The following ADGRB3 variants were observed in gnomAD, a reference collection of about 807,000 sequenced individuals.
ADGRB3 encodes adhesion G protein-coupled receptor B3, also known as brain-specific angiogenesis inhibitor 3.
A neutral mutation model predicts 193.4 loss-of-function variants in ADGRB3; 37 were observed. The observed-to-expected ratio is 0.19, with a 90% CI of 0.15 to 0.25. The LOEUF is 0.25. Ranked by LOEUF, ADGRB3 falls within the 10% of genes least tolerant of loss-of-function variation. The pLI is 1.00. For synonymous variants in ADGRB3, 690 were observed against 644.2 expected, an observed-to-expected ratio of 1.07 and a Z score of -1.08; for missense variants, 1,637 against 1,852.9, an observed-to-expected ratio of 0.88 and a Z score of 2.14.
rs1308723860 is a variant in ADGRB3, at chr6:68,771,060, A to G, written c.757+131628A>G. 2.6e-5 allele frequency among the ~76,000 whole-genome samples: 4 copies of G among 152,072 alleles called. No homozygotes were observed. The South Asian group carries it at 6.2e-4, about 24-fold the overall frequency. ...TTCTTTCTCTTAGTTCATGAATCCT[A>G]TGTGAAGGTTCTCTCACCGAAATCA... On this transcript the variant is annotated intron_variant, in intron 3 of 31. Coordinates refer to ENST00000370598, the MANE Select transcript of ADGRB3 (RefSeq NM_001704.3).
intron 17 of ADGRB3, among the ~76,000 whole-genome samples, chr6:69,157,987 T>G (rs2150343577): frequency 6.6e-6 from 1 of 152,256 alleles, no homozygotes; most frequent in South Asian, 2.1e-4. Context: ...TGGTATTTTG[T>G]TACTTGCAGT....
intron 18 of ADGRB3, among the ~76,000 whole-genome samples, chr6:69,234,502 CA>C (rs1398161408): frequency 6.6e-6 from 1 of 151,882 alleles, no homozygotes; most frequent in Non-Finnish European, 1.5e-5. Flanking sequence ...CAAGCAAGTA[CA>C]ATTAAATGTG....
At chr6:68,865,258 A>AT (rs1217670438) in intron 3 of ADGRB3, among the ~76,000 whole-genome samples, 2 of 151,746 alleles carry the variant, frequency 1.3e-5, no homozygotes, top group East Asian at 3.9e-4. Context: ...TTTTTCTGTG[A>AT]TTTTGATAAT....
At chr6:68,863,088 G>T (rs978640731) in intron 3 of ADGRB3, among the ~76,000 whole-genome samples, 6 of 151,856 alleles carry the variant, frequency 4.0e-5, no homozygotes, top group African/African-American at 1.2e-4. Flanking sequence ...TTAGTTTTGT[G>T]CATACTTACC....
intron 16 of ADGRB3, among the ~76,000 whole-genome samples, chr6:69,067,260 A>T (rs1378509292): frequency 3.9e-5 from 6 of 152,074 alleles, no homozygotes; most frequent in Admixed American, 3.3e-4. Flanking sequence ...TCTCAAATTG[A>T]TCTAATGAAA....
intron 3 of ADGRB3, among the ~76,000 whole-genome samples, chr6:68,778,400 T>C (rs920123695): frequency 4.6e-5 from 7 of 152,136 alleles, no homozygotes; most frequent in African/African-American, 1.4e-4. Flanking sequence ...AGCAATGTAT[T>C]GTCATGCCCA....
intron 3 of ADGRB3, among the ~76,000 whole-genome samples, chr6:68,873,286 G>C (rs1329819984): frequency 8.7e-6 from 1 of 114,878 alleles, no homozygotes; most frequent in Non-Finnish European, 2.3e-5. Context: ...AAAAGCAATG[G>C]ATGACACTCA....
chr6:68,953,767 T>G (rs746175438), intron 6 of ADGRB3, among the ~76,000 whole-genome samples: 3 of 152,230 alleles, frequency 2.0e-5, no homozygotes, highest in Admixed American at 6.5e-5. Context: ...TTAAACAATC[T>G]CTTTTTAATA....
At chr6:68,971,441 C>G (rs1314497884) in intron 8 of ADGRB3, among the ~76,000 whole-genome samples, 2 of 152,160 alleles carry the variant, frequency 1.3e-5, no homozygotes, top group African/African-American at 4.8e-5. Context: ...GGTCTCACAT[C>G]TTGCCAATAT....
At chr6:69,222,553 G>A (rs1765918567) in intron 17 of ADGRB3, among the ~76,000 whole-genome samples, 1 of 152,096 alleles carries the variant, frequency 6.6e-6, no homozygotes, top group Non-Finnish European at 1.5e-5. Flanking sequence ...GCAGGACAAA[G>A]ATGTTTATTT....
chr6:68,990,683 T>A (rs1769214335), intron 10 of ADGRB3, among the ~76,000 whole-genome samples: 1 of 152,172 alleles, frequency 6.6e-6, no homozygotes, highest in South Asian at 2.1e-4. Context: ...AATGTTTTAT[T>A]TCTCAAGATT....
At chr6:69,120,678 G>A (rs774699725) in intron 17 of ADGRB3, among the ~76,000 whole-genome samples, 11 of 152,208 alleles carry the variant, frequency 7.2e-5, no homozygotes, top group Non-Finnish European at 1.6e-4. Flanking sequence ...GAGATGGTAG[G>A]CTGGAGATGG....
chr6:69,202,743 T>TTGAATA (rs1414221721), intron 17 of ADGRB3, among the ~76,000 whole-genome samples: 1 of 152,130 alleles, frequency 6.6e-6, no homozygotes, highest in Non-Finnish European at 1.5e-5. Flanking sequence ...AAGCTGGGTA[T>TTGAATA]AAGAACAGAG....
At chr6:68,825,379 T>G (rs867128566) in intron 3 of ADGRB3, among the ~76,000 whole-genome samples, 69 of 152,288 alleles carry the variant, frequency 4.5e-4, no homozygotes, top group African/African-American at 1.6e-3. Context: ...CAAGAACACT[T>G]AAAAGTTTGT....
chr6:69,097,633 A>G (rs1772920041), intron 17 of ADGRB3, among the ~76,000 whole-genome samples: 2 of 152,140 alleles, frequency 1.3e-5, no homozygotes, highest in African/African-American at 2.4e-5. Flanking sequence ...ATTGCATAAT[A>G]AAATAATGAA....
chr6:68,775,819 T>G (rs906401348), intron 3 of ADGRB3, among the ~76,000 whole-genome samples: 4 of 152,190 alleles, frequency 2.6e-5, no homozygotes, highest in African/African-American at 9.6e-5. Flanking sequence ...GCAGCCTGGC[T>G]GCCAAAAGTA....
chr6:68,874,782 T>G (rs745576066), intron 3 of ADGRB3, among the ~76,000 whole-genome samples: 1 of 152,160 alleles, frequency 6.6e-6, no homozygotes, highest in Non-Finnish European at 1.5e-5. Context: ...GCTATTTTCA[T>G]GGAATTTGCA....
At chr6:69,182,006 G>T (rs1207132523) in intron 17 of ADGRB3, among the ~76,000 whole-genome samples, 1 of 152,108 alleles carries the variant, frequency 6.6e-6, no homozygotes, top group Non-Finnish European at 1.5e-5. Flanking sequence ...TATGACAGTT[G>T]TTCATCGCAA....
At chr6:69,233,016 A>T (rs1001368307) in intron 17 of ADGRB3, 15 of 461,042 alleles carry the variant, frequency 3.3e-5, no homozygotes, top group Admixed American at 3.2e-4. Flanking sequence ...TGTTCCTCGC[A>T]TAGGGCTGGA....
Sources: allele counts gnomAD v4.1 joint callset (sites outside exome capture counted in the v4.1 genomes callset), GRCh38; gene constraint gnomAD v4.1.1; transcripts MANE v1.5; gene names NCBI Gene and HGNC (gene_info 2026-07-23, HGNC 2026-07-21).